Variants in VTI1A observed in about 807,000 individuals in gnomAD.
VTI1A encodes the protein vesicle transport through interaction with t-SNAREs homolog 1A.
Under a neutral mutation model 34.9 loss-of-function variants are expected in VTI1A, and 22 were observed. That is an observed-to-expected ratio of 0.63 (90% CI 0.45 to 0.90). The LOEUF is 0.90. VTI1A is among the 40% of genes least tolerant of loss of function. The probability of loss-of-function intolerance (pLI) is 0.00; values close to 1 mark genes in which losing one functional copy is unlikely to be tolerated. For synonymous variants in VTI1A, 87 were observed against 97.3 expected (o/e 0.89, Z 0.62); for missense variants, 268 against 275.6 (o/e 0.97, Z 0.20).
intron 4 of VTI1A, among the ~76,000 whole-genome samples, chr10:112,535,993 G>A (rs751683462): frequency 2.0e-5 from 3 of 152,086 alleles, no homozygotes; most frequent in Non-Finnish European, 4.4e-5. Flanking sequence ...CTGAAGAAGA[G>A]TTACTTCTAT....
intron 7 of VTI1A, among the ~76,000 whole-genome samples, chr10:112,718,149 G>A (rs901225861): frequency 1.3e-5 from 2 of 152,152 alleles, no homozygotes; most frequent in East Asian, 3.9e-4. Context: ...TCCATCCATT[G>A]TTAAAGCCAA....
intron 7 of VTI1A, among the ~76,000 whole-genome samples, chr10:112,796,876 A>T (rs751384725): frequency 9.9e-5 from 15 of 152,178 alleles, no homozygotes; most frequent in South Asian, 2.1e-4. Flanking sequence ...TCTCTGAACC[A>T]GTTGGGCAAA....
At chr10:112,504,645 T>A (rs924267812) in intron 3 of VTI1A, among the ~76,000 whole-genome samples, 2 of 152,204 alleles carry the variant, frequency 1.3e-5, no homozygotes, top group African/African-American at 2.4e-5. Context: ...ACATTTTTCA[T>A]AAGAAGTAGA....
At chr10:112,684,952 C>A (rs756214046) in intron 7 of VTI1A, among the ~76,000 whole-genome samples, 23 of 152,048 alleles carry the variant, frequency 1.5e-4, no homozygotes, top group Admixed American at 2.6e-4. Flanking sequence ...TAGATCCTAC[C>A]CTTCTTAGGA....
chr10:112,531,117 G>A (rs559057592), intron 4 of VTI1A, among the ~76,000 whole-genome samples: 16 of 146,912 alleles, frequency 1.1e-4, no homozygotes, highest in Non-Finnish European at 2.2e-4. Context: ...GCGCACGTGC[G>A]CGCGCGCGCA....
chr10:112,460,439 GA>G, intron 1 of VTI1A, 84 bp from the exon 2 acceptor site: 6 of 1,212,724 alleles, frequency 4.9e-6, no homozygotes, highest in Middle Eastern at 2.9e-4. Flanking sequence ...GACCAGAAAG[GA>G]AAAAGGCATA....
intron 5 of VTI1A, among the ~76,000 whole-genome samples, chr10:112,551,044 C>T (rs1016099140): frequency 2.6e-5 from 4 of 152,022 alleles, no homozygotes; most frequent in Non-Finnish European, 5.9e-5. Context: ...GAGATGGAGA[C>T]CATCCTGGCG....
Position 112,557,842 on chromosome 10 carries a change from C to T in VTI1A, c.427+19512C>T, listed in dbSNP as rs1033146978. Among the ~76,000 whole-genome samples, 4 of 152,208 alleles carry T rather than the reference C, an allele frequency of 2.6e-5. No individual in the cohort carries two copies. The South Asian group carries it at 8.3e-4, about 32-fold the overall frequency. ...TGGCATGTGTAAAGGAGGACTTCTT[C>T]TCCAGGGCTCCACCATGTAGATGAA... is the stretch of plus-strand genomic sequence containing the variant. On this transcript the variant is annotated intron_variant, in intron 5 of 7. Coordinates refer to ENST00000393077, the MANE Select transcript of VTI1A (RefSeq NM_145206.4).
At chr10:112,740,573 C>T (rs994206415) in intron 7 of VTI1A, among the ~76,000 whole-genome samples, 2 of 152,250 alleles carry the variant, frequency 1.3e-5, no homozygotes, top group South Asian at 2.1e-4. Flanking sequence ...GCGTGTGCCA[C>T]GATGCCCATC....
chr10:112,841,998 G>T, the VTI1A span, among the ~76,000 whole-genome samples: 1 of 146,750 alleles, frequency 6.8e-6, no homozygotes, highest in African/African-American at 2.5e-5. Context: ...TTCATGACAT[G>T]GTTTCCAACA....
intron 5 of VTI1A, among the ~76,000 whole-genome samples, chr10:112,628,173 C>G (rs907506650): frequency 1.3e-5 from 2 of 152,188 alleles, no homozygotes; most frequent in Non-Finnish European, 2.9e-5. Context: ...TTCCTAGTGA[C>G]TGCTTAGTAT....
At chr10:112,686,509 T>C (rs1262891829) in intron 7 of VTI1A, among the ~76,000 whole-genome samples, 1 of 152,198 alleles carries the variant, frequency 6.6e-6, no homozygotes, top group Non-Finnish European at 1.5e-5. Context: ...GGTCCTGTTT[T>C]AACTGTTGGT....
chr10:112,617,089 C>A (rs1397710923), intron 5 of VTI1A, among the ~76,000 whole-genome samples: 1 of 152,022 alleles, frequency 6.6e-6, no homozygotes, highest in African/African-American at 2.4e-5. Flanking sequence ...CATCTAGACA[C>A]GTTATAGTGA....
intron 3 of VTI1A, among the ~76,000 whole-genome samples, chr10:112,484,252 T>C (rs1848544955): frequency 6.6e-6 from 1 of 152,220 alleles, no homozygotes; most frequent in African/African-American, 2.4e-5. Context: ...GAGGTCAACC[T>C]CCATGCTTTC....
At chr10:112,592,749 A>G (rs142631606) in intron 5 of VTI1A, among the ~76,000 whole-genome samples, 45 of 152,356 alleles carry the variant, frequency 3.0e-4, no homozygotes, top group Admixed American at 5.2e-4. Context: ...CATTTACACA[A>G]TCAGCAAATT....
intron 5 of VTI1A, among the ~76,000 whole-genome samples, chr10:112,666,743 T>A (rs1847654422): frequency 6.6e-6 from 1 of 152,142 alleles, no homozygotes; most frequent in Admixed American, 6.6e-5. Flanking sequence ...TCAAATGGGC[T>A]ACAACAAGAC....
At chr10:112,713,130 G>A (rs955548824) in intron 7 of VTI1A, among the ~76,000 whole-genome samples, 2 of 152,058 alleles carry the variant, frequency 1.3e-5, no homozygotes, top group Non-Finnish European at 2.9e-5. Context: ...CCTTAGATTT[G>A]AGATGGACCC....
chr10:112,738,014 G>C, intron 7 of VTI1A: 1 of 501,996 alleles, frequency 2.0e-6, no homozygotes, highest in Non-Finnish European at 2.6e-6. Flanking sequence ...GTCTTGTCTG[G>C]TTAATGAAGT....
intron 5 of VTI1A, among the ~76,000 whole-genome samples, chr10:112,656,536 T>TTTTTTTC (rs1847236569): frequency 6.8e-6 from 1 of 147,954 alleles, no homozygotes; most frequent in East Asian, 2.0e-4. Flanking sequence ...TTTTTTTTTT[T>TTTTTTTC]TTTTTTTTGA....
Sources: allele counts gnomAD v4.1 joint callset (sites outside exome capture counted in the v4.1 genomes callset), GRCh38; gene constraint gnomAD v4.1.1; transcripts MANE v1.5; gene names NCBI Gene and HGNC (gene_info 2026-07-23, HGNC 2026-07-21).